The following CCDC126 variants were observed in gnomAD, a reference collection of about 807,000 sequenced individuals.
CCDC126 encodes coiled-coil domain-containing protein 126.
Under a neutral mutation model 11.7 loss-of-function variants are expected in CCDC126, and 5 were observed. That is an observed-to-expected ratio of 0.43 (90% confidence interval 0.22 to 0.90). CCDC126 has a LOEUF of 0.90. Ranked by LOEUF, CCDC126 falls within the 40% of genes least tolerant of loss-of-function variation. The probability of loss-of-function intolerance (pLI) is 0.27; values close to 1 mark genes in which losing one functional copy is unlikely to be tolerated. For missense variants in CCDC126, 150 were observed against 163.1 expected (o/e 0.92, Z 0.44); for synonymous variants, 60 against 61.9 (o/e 0.97, Z 0.14).
chr7:23,635,950 C>T (rs948477136), intron 3 of CCDC126, among the ~76,000 whole-genome samples: 1 of 152,180 alleles, frequency 6.6e-6, no homozygotes, highest in Non-Finnish European at 1.5e-5. Context: ...CTGGACGGTA[C>T]TGCTGCCATC....
intron 2 of CCDC126, among the ~76,000 whole-genome samples, chr7:23,609,603 T>G (rs1386476030): frequency 6.6e-6 from 1 of 152,196 alleles, no homozygotes; most frequent in Non-Finnish European, 1.5e-5. Flanking sequence ...TGCTGTGGCT[T>G]ATGCCTCTAA....
At chr7:23,621,203 A>T (rs935724231) in intron 3 of CCDC126, among the ~76,000 whole-genome samples, 83 of 152,202 alleles carry the variant, frequency 5.5e-4, no homozygotes, top group African/African-American at 1.8e-3. Context: ...GATTCTTCCT[A>T]TCCATGAGCA....
intron 2 of CCDC126, among the ~76,000 whole-genome samples, chr7:23,601,332 G>T (rs979539650): frequency 3.3e-5 from 5 of 152,158 alleles, no homozygotes; most frequent in African/African-American, 1.2e-4. Context: ...TCAAGGCTCA[G>T]TGAGCTATGG....
intron 2 of CCDC126, among the ~76,000 whole-genome samples, chr7:23,609,698 C>G (rs1308000662): frequency 6.6e-6 from 1 of 151,704 alleles, no homozygotes; most frequent in Non-Finnish European, 1.5e-5. Flanking sequence ...AAAAGCCCTT[C>G]TCTACAAAAA....
At position 23,643,180 on chromosome 7, in the gene CCDC126, A is replaced by G. The variant is rs1348021423; in HGVS notation, c.*65A>G. On this transcript the variant is annotated 3_prime_UTR_variant, in exon 4 of 4. Coordinates refer to ENST00000307471, the MANE Select transcript of CCDC126 (RefSeq NM_138771.4). ...TTATATCCTATGGCAGAAAAGCTTTATAATTGCTGGCTTAGGACAGAGCAA... is the reference window on the plus strand; with the variant it reads ...TTATATCCTATGGCAGAAAAGCTTTGTAATTGCTGGCTTAGGACAGAGCAA... 1 of 1,427,500 alleles carries G rather than the reference A, an allele frequency of 7.0e-7. No individual in the cohort carries two copies. 88.4% of individuals were successfully genotyped at this position (1,427,500 alleles called of 1,614,324 possible).
At chr7:23,602,463 T>C (rs1221099563) in intron 2 of CCDC126, among the ~76,000 whole-genome samples, 1 of 152,194 alleles carries the variant, frequency 6.6e-6, no homozygotes, top group Middle Eastern at 3.2e-3. Flanking sequence ...TACCAAATAG[T>C]GGAACTGCCA....
intron 3 of CCDC126, among the ~76,000 whole-genome samples, chr7:23,611,881 C>T (rs1240300882): frequency 1.3e-5 from 2 of 152,146 alleles, no homozygotes; most frequent in Admixed American, 6.5e-5. Flanking sequence ...TGATGGCTCA[C>T]GCCTGTAATC....
intron 3 of CCDC126, among the ~76,000 whole-genome samples, chr7:23,641,238 T>A (rs139696225): frequency 6.6e-6 from 1 of 152,284 alleles, no homozygotes; most frequent in East Asian, 1.9e-4. Flanking sequence ...GAGTTTTGGT[T>A]TGTATTTCCA....
intron 3 of CCDC126, chr7:23,622,700 C>T: frequency 1.9e-6 from 1 of 530,188 alleles, no homozygotes; most frequent in Non-Finnish European, 3.8e-6. Context: ...GAGAGTAGCT[C>T]AGCATAAATG....
chr7:23,611,033 G>GCTTA (rs1298229551), intron 2 of CCDC126, 138 bp from the exon 3 acceptor site: 1 of 210,354 alleles, frequency 4.8e-6, no homozygotes, highest in Non-Finnish European at 9.4e-6. Flanking sequence ...AGACTAGAAA[G>GCTTA]CTTACTTAGT....
At chr7:23,609,206 G>A (rs1782667477) in intron 2 of CCDC126, among the ~76,000 whole-genome samples, 1 of 150,842 alleles carries the variant, frequency 6.6e-6, no homozygotes, top group African/African-American at 2.4e-5. Flanking sequence ...TTTTTGGGAT[G>A]GAGTTTCACT....
At chr7:23,637,430 T>TG (rs1443275763) in intron 3 of CCDC126, among the ~76,000 whole-genome samples, 2 of 38,090 alleles carry the variant, frequency 5.3e-5, no homozygotes, top group Non-Finnish European at 9.6e-5. Context: ...GGGAGGGAGG[T>TG]GGGGGGGTCA....
chr7:23,600,920 T>C (rs1467498688), intron 2 of CCDC126, among the ~76,000 whole-genome samples: 1 of 152,146 alleles, frequency 6.6e-6, no homozygotes, highest in East Asian at 1.9e-4. Context: ...ATAGCAAGAC[T>C]CCATTGATGG....
At chr7:23,604,315 A>C (rs746163324) in intron 2 of CCDC126, 1 of 152,220 alleles carries the variant, frequency 6.6e-6, no homozygotes, top group Non-Finnish European at 1.5e-5. Context: ...ATTATCATAT[A>C]AATGTAAGAT....
intron 2 of CCDC126, among the ~76,000 whole-genome samples, chr7:23,600,465 CG>C (rs1782521630): frequency 6.9e-6 from 1 of 145,826 alleles, no homozygotes; most frequent in Non-Finnish European, 1.5e-5. Context: ...AATTACATTC[CG>C]GGGTCAAGTC....
intron 3 of CCDC126, among the ~76,000 whole-genome samples, chr7:23,621,842 G>A (rs2128018271): frequency 6.6e-6 from 1 of 152,302 alleles, no homozygotes; most frequent in East Asian, 1.9e-4. Flanking sequence ...AGATAATCAT[G>A]TGGTTTTTGT....
rs189700355 is a variant in CCDC126 at position 23,628,568 on chromosome 7, A to C, written c.239-14363A>C. Among the ~76,000 whole-genome samples the C allele has an allele frequency of 1.6e-3, 250 of 152,308 alleles. 2 individuals are homozygous for C. Among genetic ancestry groups the C allele is most frequent in the African/African-American group, 5.7e-3 (235 of 41,572 alleles). On this transcript the variant is annotated intron_variant, in intron 3 of 3. Transcript: ENST00000307471. ...GTAAGCCTAGACTTTTATCCTTTCA[A>C]GGCTACAGTGAGGCATACAACATTC...
intron 3 of CCDC126, among the ~76,000 whole-genome samples, chr7:23,628,449 A>G (rs1783050797): frequency 6.6e-6 from 1 of 152,250 alleles, no homozygotes; most frequent in Non-Finnish European, 1.5e-5. Flanking sequence ...CTAGCAAGCT[A>G]GAAAACTTGT....
Position 23,638,606 on chromosome 7 carries a change from A to G in CCDC126, c.239-4325A>G, listed in dbSNP as rs1182000126. On this transcript the variant is annotated intron_variant, in intron 3 of 3. Transcript: ENST00000307471. ...AAGGCCGCAGGGTCCTCTGCCTAGG[A>G]AAACCAGAGACCTTTGTTCACTTGT... is the stretch of plus-strand genomic sequence containing the variant. 3.0e-3 allele frequency among the ~76,000 whole-genome samples: 376 copies of G among 126,408 alleles called. 3 individuals carry two copies. Among genetic ancestry groups the G allele is most frequent in the Non-Finnish European group, 5.3e-3 (325 of 61,478 alleles). The allele number at this position is 126,408 out of a possible 152,430, so 82.9% of individuals were successfully genotyped here. A position where few individuals can be genotyped will look rare whatever the true frequency, so the allele number is the denominator to read the frequency against.
Sources: allele counts gnomAD v4.1 joint callset (sites outside exome capture counted in the v4.1 genomes callset), GRCh38; gene constraint gnomAD v4.1.1; transcripts MANE v1.5; gene names NCBI Gene and HGNC (gene_info 2026-07-23, HGNC 2026-07-21).